Variants in SBF1 observed in about 807,000 individuals in gnomAD.
SBF1 encodes myotubularin-related protein 5.
SBF1 carries 65 observed loss-of-function variants against 215.8 expected under a neutral mutation model. That is an observed-to-expected ratio of 0.30 (90% CI 0.25 to 0.37). The LOEUF is 0.37. Ranked by LOEUF, SBF1 falls within the 10% of genes least tolerant of loss-of-function variation. The pLI is 1.00. For synonymous variants in SBF1, 1,410 were observed against 1,122.8 expected (o/e 1.26, Z -5.11); for missense variants, 2,634 against 2,667.8 (o/e 0.99, Z 0.28).
chr22:50,470,164 T>C (rs9616781), intron 1 of SBF1, among the ~76,000 whole-genome samples: 135,350 of 151,134 alleles, frequency 0.9, 60,809 homozygotes, highest in East Asian at 1. Context: ...CCTCCTTGTG[T>C]TTGGCCCCAA....
At chr22:50,462,167 C>T in intron 19 of SBF1, 38 bp downstream of exon 19, 1 of 1,607,626 alleles carries the variant, frequency 6.2e-7, no homozygotes, top group East Asian at 2.2e-5. Flanking sequence ...CACCACGGCC[C>T]CGCCTCCACT....
rs115305696 is a variant in SBF1, at chr22:50,448,903, G to A, written c.5044-253C>T. 0.01 allele frequency among the ~76,000 whole-genome samples: 1,528 copies of A among 152,170 alleles called. 25 individuals are homozygous for A. The highest frequency in any genetic ancestry group is 0.035 in the African/African-American group (1,445 of 41,510). ...CAAGAAGCACTACAGACCCCAACAG[G>A]GTAAGTTAAAAACACACACCCCGGC... is the stretch of plus-strand genomic sequence containing the variant. On this transcript the variant is annotated intron_variant, in intron 36 of 40. Coordinates refer to ENST00000380817, the MANE Select transcript of SBF1 (RefSeq NM_002972.4).
Position 50,455,162 on chromosome 22 carries a change from G to C in SBF1, c.4555-20C>G, listed in dbSNP as rs371564498. The C allele has an allele frequency of 1.9e-5, 31 of 1,613,920 alleles. No individual in the cohort carries two copies. Among genetic ancestry groups the C allele is most frequent in the Admixed American group, 3.3e-5 (2 of 60,004 alleles). On this transcript the variant is annotated intron_variant, in intron 33 of 40. Coordinates refer to ENST00000380817, the MANE Select transcript of SBF1 (RefSeq NM_002972.4). ...GTGGACCTGCACGCCATGTGGGTCA[G>C]GGGCCAGGGCTCAGCGGTCAGGGTG... is the stretch of plus-strand genomic sequence containing the variant.
chr22:50,469,581 G>A (rs1052363698), intron 1 of SBF1, among the ~76,000 whole-genome samples: 1 of 152,200 alleles, frequency 6.6e-6, no homozygotes, highest in East Asian at 1.9e-4. Context: ...GGTGCAGCAG[G>A]AAAGACGAAA....
chr22:50,452,412 A>G (rs2067081226), intron 36 of SBF1, among the ~76,000 whole-genome samples: 1 of 152,124 alleles, frequency 6.6e-6, no homozygotes, highest in African/African-American at 2.4e-5. Flanking sequence ...CTTAAAACAA[A>G]GTTGACTATT....
At chr22:50,466,098 T>G in intron 8 of SBF1, 24 bp from the exon 9 acceptor site, 1 of 1,612,786 alleles carries the variant, frequency 6.2e-7, no homozygotes, top group Non-Finnish European at 8.5e-7. Context: ...GAGCCGGCAG[T>G]CAGGGACCTG....
At chr22:50,462,829 G>T in intron 17 of SBF1, 41 bp downstream of exon 17, 1 of 1,604,472 alleles carries the variant, frequency 6.2e-7, no homozygotes, top group Non-Finnish European at 8.5e-7. Flanking sequence ...CCACCAGGAA[G>T]GGGGGGCTGG....
At chr22:50,461,765 G>A (rs1367660642) in intron 21 of SBF1, 31 bp downstream of exon 21, 1 of 1,611,596 alleles carries the variant, frequency 6.2e-7, no homozygotes, top group Non-Finnish European at 8.5e-7. Flanking sequence ...CCGGGCCTTG[G>A]GCCCCCGCAG....
At chr22:50,451,193 A>T (rs1448795298) in intron 36 of SBF1, among the ~76,000 whole-genome samples, 1 of 139,352 alleles carries the variant, frequency 7.2e-6, no homozygotes, top group Non-Finnish European at 1.6e-5. Flanking sequence ...AAAAAAAAAA[A>T]GTAGCCGGCA....
Position 50,464,616 on chromosome 22 carries a change from G to A in SBF1, c.1554C>T (p.Asp518=). Residue 518 remains aspartate, a synonymous_variant, in exon 14 of 41, where the codon GAC becomes GAT. Coordinates refer to ENST00000380817, the MANE Select transcript of SBF1 (RefSeq NM_002972.4). ...CACCCTGCATCTTGGCTGCAGCCTG[G>A]TCCACGATCCACTGCACGGTGCCCT... The part of the protein sequence containing the change: ...LDEGTVQWIV[D]QAAAKMQGAP... 1.2e-6 allele frequency: 2 copies of A among 1,611,320 alleles called. No individual in the cohort carries two copies. The highest frequency in any genetic ancestry group is 1.6e-4 in the Middle Eastern group (1 of 6,062).
At chr22:50,466,733 G>A in intron 5 of SBF1, 23 bp from the exon 6 acceptor site, 1 of 1,484,858 alleles carries the variant, frequency 6.7e-7, no homozygotes, top group South Asian at 1.3e-5. Context: ...AAGGATCGGG[G>A]CTCAGTAGTT....
intron 2 of SBF1, 67 bp downstream of exon 2, chr22:50,468,309 A>T: frequency 6.9e-7 from 1 of 1,446,798 alleles, no homozygotes; most frequent in South Asian, 1.2e-5. Flanking sequence ...AGTCAGGGAC[A>T]AGGGCAGGGC....
intron 16 of SBF1, 60 bp downstream of exon 16, chr22:50,463,223 G>A: frequency 1.3e-6 from 2 of 1,595,864 alleles, no homozygotes; most frequent in African/African-American, 1.3e-5. Context: ...ACCAGGGTCT[G>A]CCCGCCTGTT....
Position 50,463,306 on chromosome 22 carries a change from G to A in SBF1, c.1876C>T (p.Arg626Cys), listed in dbSNP as rs765020097. ...LDHQQFDFVV[R>C]MMNCCLQDCT... ...ACCTGCAGGCAGCAGTTCATCATAC[G>A]GACGACAAAGTCAAACTGCTGGTGG... is the stretch of plus-strand genomic sequence containing the variant. Residue 626 changes from arginine to cysteine, a missense_variant, in exon 16 of 41, where the codon CGT becomes TGT. Coordinates refer to ENST00000380817, the MANE Select transcript of SBF1 (RefSeq NM_002972.4). 6.2e-6 allele frequency: 10 copies of A among 1,613,372 alleles called. No homozygotes were observed. The Admixed American group carries it at 8.3e-5, about 13-fold the overall frequency.
chr22:50,461,034 A>G (rs1432704306), intron 23 of SBF1, 125 bp downstream of exon 23: 5 of 1,275,986 alleles, frequency 3.9e-6, no homozygotes, highest in East Asian at 2.5e-5. Flanking sequence ...GGCCCCAGAC[A>G]TGCAAGCGTA....
chr22:50,454,426 C>T (rs1023583828), intron 36 of SBF1, 86 bp downstream of exon 36: 4 of 1,183,798 alleles, frequency 3.4e-6, no homozygotes, highest in Non-Finnish European at 3.7e-6. Flanking sequence ...CGTGCATGTA[C>T]GAGTGTACAC....
In SBF1 at chr22:50,465,765, G is replaced by C. The variant is rs1346582398; in HGVS notation, c.1087C>G (p.Gln363Glu). Residue 363 changes from glutamine (Q) to glutamate (E), a missense_variant and splice_region_variant, in exon 10 of 41, where the codon CAG becomes GAG. Physicochemically the swap from Gln to Glu is conservative, Grantham distance 29 (BLOSUM62 2). Transcript: ENST00000380817. ...PTTSTSSLKM[Q>E]DKELRAVFLR... ...GCAGGAGCAGCAACGACCCCCACCT[G>C]CATCTTCAGGGAGGAGGTGGATGTC... 1 of 1,603,084 alleles carries C rather than the reference G, an allele frequency of 6.2e-7. No homozygotes were observed. Among genetic ancestry groups the C allele is most frequent in the Non-Finnish European group, 8.5e-7 (1 of 1,175,786 alleles).
chr22:50,470,012 C>A (rs1391905514), intron 1 of SBF1, among the ~76,000 whole-genome samples: 3 of 152,098 alleles, frequency 2.0e-5, no homozygotes, highest in Admixed American at 1.3e-4. Context: ...CCCACCGACA[C>A]CCTGCAGAGG....
intron 1 of SBF1, among the ~76,000 whole-genome samples, chr22:50,468,667 G>A (rs942775649): frequency 1.3e-5 from 2 of 151,862 alleles, no homozygotes; most frequent in Admixed American, 1.3e-4. Context: ...AGCCCCTGCC[G>A]CTACACCCCA....
Sources: gnomAD v4.1 joint callset for allele counts (sites outside exome capture counted in the v4.1 genomes callset) on GRCh38, gnomAD v4.1.1 for gene constraint, MANE v1.5 for transcripts, NCBI Gene and HGNC (gene_info 2026-07-23, HGNC 2026-07-21) for gene names.